Variants in STPG2 observed in about 807,000 individuals in gnomAD.
The protein encoded by STPG2 is sperm tail PG-rich repeat containing 2.
Under a neutral mutation model 54.2 loss-of-function variants are expected in STPG2, and 56 were observed. The ratio of observed to expected loss-of-function variants is 1.03; its 90% CI spans 0.83 to 1.29. The LOEUF is 1.29. Ranked by LOEUF, STPG2 falls within the 50% of genes most tolerant of loss-of-function variation. The pLI is 0.00. For synonymous variants in STPG2, 200 were observed against 181.8 expected (o/e 1.10, Z -0.81); for missense variants, 596 against 544.9 (o/e 1.09, Z -0.93).
chr4:97,965,416 T>C (rs1734061143), intron 7 of STPG2, among the ~76,000 whole-genome samples: 1 of 152,176 alleles, frequency 6.6e-6, no homozygotes, highest in Admixed American at 6.5e-5. Flanking sequence ...GGGCAGGGCA[T>C]AGTGAAACAA....
At chr4:97,528,901 C>G (rs575473110) in intron 4 of STPG2, among the ~76,000 whole-genome samples, 14 of 152,252 alleles carry the variant, frequency 9.2e-5, no homozygotes, top group African/African-American at 3.4e-4. Context: ...ATGGAGTTTT[C>G]TAAATATACA....
intron 3 of STPG2, among the ~76,000 whole-genome samples, chr4:98,112,799 G>A (rs1230345518): frequency 6.6e-6 from 1 of 152,038 alleles, no homozygotes; most frequent in Non-Finnish European, 1.5e-5. Context: ...AATACCTGGT[G>A]AACAAAGCAA....
At chr4:97,882,171 A>C (rs1452516633) in intron 8 of STPG2, among the ~76,000 whole-genome samples, 1 of 152,182 alleles carries the variant, frequency 6.6e-6, no homozygotes, top group Non-Finnish European at 1.5e-5. Context: ...CTAGTGTAAG[A>C]ATATGGAATG....
chr4:97,577,303 C>T (rs949748552), intron 10 of STPG2, among the ~76,000 whole-genome samples: 50 of 152,212 alleles, frequency 3.3e-4, no homozygotes, highest in Admixed American at 1.2e-3. Flanking sequence ...ATGTTCATTG[C>T]AATACTATTC....
chr4:98,030,203 G>A (rs6833822), intron 5 of STPG2, among the ~76,000 whole-genome samples: 59,822 of 151,834 alleles, frequency 0.39, 11,993 homozygotes, highest in Middle Eastern at 0.46. Flanking sequence ...CTGTATCTGA[G>A]AAAGCAGCTG....
intron 10 of STPG2, among the ~76,000 whole-genome samples, chr4:97,611,086 T>C (rs923579171): frequency 1.3e-5 from 2 of 152,008 alleles, no homozygotes; most frequent in African/African-American, 4.8e-5. Flanking sequence ...TTTAATGTCA[T>C]AGAATTTCTG....
At chr4:97,576,151 A>G (rs776440156) in intron 10 of STPG2, among the ~76,000 whole-genome samples, 1 of 152,148 alleles carries the variant, frequency 6.6e-6, no homozygotes, top group Non-Finnish European at 1.5e-5. Context: ...GCTCATGAAT[A>G]GGCAGAATCA....
intron 10 of STPG2, among the ~76,000 whole-genome samples, chr4:97,662,608 C>T (rs1292516285): frequency 1.3e-5 from 2 of 152,132 alleles, no homozygotes; most frequent in Admixed American, 6.5e-5. Context: ...ATGGAATCAA[C>T]CTAGGTCCCC....
intron 4 of STPG2, among the ~76,000 whole-genome samples, chr4:97,441,841 T>C (rs759466507): frequency 6.6e-6 from 1 of 151,992 alleles, no homozygotes; most frequent in Non-Finnish European, 1.5e-5. Context: ...ATCATGATAA[T>C]AGTGAGTCTA....
chr4:97,655,822 T>G (rs2148957187), intron 10 of STPG2, among the ~76,000 whole-genome samples: 1 of 152,244 alleles, frequency 6.6e-6, no homozygotes, highest in South Asian at 2.1e-4. Flanking sequence ...TGTCATATTT[T>G]AACAAAATAC....
At chr4:97,899,930 G>T (rs1448633791) in intron 8 of STPG2, among the ~76,000 whole-genome samples, 1 of 151,358 alleles carries the variant, frequency 6.6e-6, no homozygotes, top group Non-Finnish European at 1.5e-5. Context: ...TCATGACAAA[G>T]ATACTGAAAG....
At chr4:97,575,984 G>T (rs190866000) in intron 10 of STPG2, among the ~76,000 whole-genome samples, 1 of 152,104 alleles carries the variant, frequency 6.6e-6, no homozygotes, top group African/African-American at 2.4e-5. Flanking sequence ...TAAGCTGAGA[G>T]TCAAATAGAG....
intron 6 of STPG2, among the ~76,000 whole-genome samples, chr4:97,980,362 C>A (rs1321937610): frequency 6.6e-6 from 1 of 152,196 alleles, no homozygotes; most frequent in African/African-American, 2.4e-5. Flanking sequence ...CTACTCTTCT[C>A]ACTGAGAGAT....
chr4:97,662,344 G>T (rs1722398124), intron 10 of STPG2, among the ~76,000 whole-genome samples: 1 of 152,190 alleles, frequency 6.6e-6, no homozygotes, highest in East Asian at 1.9e-4. Flanking sequence ...TCTCACATGA[G>T]TCAAAATGGC....
intron 10 of STPG2, among the ~76,000 whole-genome samples, chr4:97,680,247 T>A (rs1289186091): frequency 6.6e-6 from 1 of 151,912 alleles, no homozygotes; most frequent in African/African-American, 2.4e-5. Flanking sequence ...TATTGATTCT[T>A]CCTACCCATG....
intron 10 of STPG2, among the ~76,000 whole-genome samples, chr4:97,586,622 A>G (rs1269615175): frequency 3.3e-5 from 5 of 152,122 alleles, no homozygotes; most frequent in Admixed American, 1.3e-4. Context: ...TTTGAAGGCC[A>G]GCAGATTTGT....
intron 4 of STPG2, among the ~76,000 whole-genome samples, chr4:97,503,182 C>A (rs183017865): frequency 1.8e-4 from 27 of 151,880 alleles, no homozygotes; most frequent in African/African-American, 6.0e-4. Context: ...TACTGGCTCA[C>A]GGACCAATTA....
At chr4:97,827,749 T>A (rs1318932861) in intron 9 of STPG2, among the ~76,000 whole-genome samples, 1 of 152,220 alleles carries the variant, frequency 6.6e-6, no homozygotes, top group Non-Finnish European at 1.5e-5. Context: ...AGGCTTTGAC[T>A]GGAATGGCAC....
At chr4:97,782,871 A>C (rs1374410185) in intron 9 of STPG2, among the ~76,000 whole-genome samples, 1 of 152,276 alleles carries the variant, frequency 6.6e-6, no homozygotes, top group Admixed American at 6.5e-5. Context: ...AAAACCGGCT[A>C]GCCATATGTA....
Sources: allele counts gnomAD v4.1 joint callset (sites outside exome capture counted in the v4.1 genomes callset), GRCh38; gene constraint gnomAD v4.1.1; transcripts MANE v1.5; gene names NCBI Gene and HGNC (gene_info 2026-07-23, HGNC 2026-07-21).